Variants in SUSD4 observed in about 807,000 individuals in gnomAD.
SUSD4 encodes the protein sushi domain containing 4, also known as sushi domain-containing protein 4.
Under a neutral mutation model 50.5 loss-of-function variants are expected in SUSD4, and 41 were observed. That is an observed-to-expected ratio of 0.81 (90% CI 0.63 to 1.05). SUSD4 has a LOEUF of 1.05. Ranked by LOEUF, SUSD4 falls within the 50% of genes least tolerant of loss-of-function variation. The pLI, the probability that SUSD4 is intolerant of heterozygous loss-of-function variation, is 0.00. For synonymous variants in SUSD4, 257 were observed against 257.3 expected (o/e 1.00, Z 0.01); for missense variants, 580 against 634.7 (o/e 0.91, Z 0.93).
chr1:223,353,809 T>C (rs1472636306), intron 2 of SUSD4, among the ~76,000 whole-genome samples: 1 of 152,106 alleles, frequency 6.6e-6, no homozygotes, highest in Non-Finnish European at 1.5e-5. Flanking sequence ...CAGACCCCTC[T>C]GCTCAATGTC....
chr1:223,271,821 GA>G (rs1431234289), intron 3 of SUSD4, among the ~76,000 whole-genome samples: 1 of 151,994 alleles, frequency 6.6e-6, no homozygotes, highest in Admixed American at 6.5e-5. Flanking sequence ...TCTTTCCACA[GA>G]AAAAAAGAAT....
intron 5 of SUSD4, among the ~76,000 whole-genome samples, chr1:223,259,473 C>T (rs1661943801): frequency 6.6e-6 from 1 of 152,194 alleles, no homozygotes; most frequent in East Asian, 1.9e-4. Context: ...CTGACCCTTG[C>T]AACCTGTCTC....
At chr1:223,265,007 T>C (rs1662390352) in intron 4 of SUSD4, among the ~76,000 whole-genome samples, 189 bp from the exon 5 acceptor site, 2 of 152,374 alleles carry the variant, frequency 1.3e-5, no homozygotes, top group South Asian at 4.1e-4. Flanking sequence ...TGTAGGTATT[T>C]GCTCCGCTAT....
intron 5 of SUSD4, among the ~76,000 whole-genome samples, chr1:223,252,135 G>C (rs1477540214): frequency 6.7e-6 from 1 of 149,440 alleles, no homozygotes; most frequent in Non-Finnish European, 1.5e-5. Flanking sequence ...GAGTTAATGG[G>C]TGCAGCACAC....
At chr1:223,240,381 C>A (rs1328957881) in intron 5 of SUSD4, among the ~76,000 whole-genome samples, 1 of 151,916 alleles carries the variant, frequency 6.6e-6, no homozygotes. Flanking sequence ...TATTTTTTCA[C>A]CTATTTCTTT....
chr1:223,362,607 C>T (rs1264829080), intron 2 of SUSD4, among the ~76,000 whole-genome samples: 3 of 152,180 alleles, frequency 2.0e-5, no homozygotes, highest in Non-Finnish European at 4.4e-5. Flanking sequence ...TTTCAGCTAA[C>T]TTCTACTTCA....
intron 4 of SUSD4, among the ~76,000 whole-genome samples, chr1:223,265,024 A>G (rs1006375461): frequency 2.6e-5 from 4 of 152,240 alleles, no homozygotes; most frequent in Admixed American, 6.5e-5. Flanking sequence ...CTATTTGAAA[A>G]TGGCACCAAG....
intron 2 of SUSD4, among the ~76,000 whole-genome samples, chr1:223,346,217 C>A (rs1330266606): frequency 1.3e-5 from 2 of 152,144 alleles, no homozygotes; most frequent in Non-Finnish European, 2.9e-5. Context: ...CCCTGGGGGA[C>A]AAAATCACCC....
intron 2 of SUSD4, among the ~76,000 whole-genome samples, chr1:223,353,127 G>T (rs1363447160): frequency 6.6e-6 from 1 of 152,126 alleles, no homozygotes; most frequent in South Asian, 2.1e-4. Flanking sequence ...ATTTCCAGAC[G>T]TCACCATTCA....
chr1:223,337,300 C>T (rs1288652036), intron 2 of SUSD4, among the ~76,000 whole-genome samples: 1 of 152,086 alleles, frequency 6.6e-6, no homozygotes, highest in Non-Finnish European at 1.5e-5. Flanking sequence ...GCTCAAACGT[C>T]AGTTGAATGT....
At chr1:223,324,797 G>GA (rs1388469761) in intron 2 of SUSD4, among the ~76,000 whole-genome samples, 3 of 151,862 alleles carry the variant, frequency 2.0e-5, no homozygotes, top group African/African-American at 7.3e-5. Context: ...CATGAATGAG[G>GA]AAAGAGGAGG....
chr1:223,310,239 T>C (rs569005497), intron 2 of SUSD4, among the ~76,000 whole-genome samples: 2 of 152,280 alleles, frequency 1.3e-5, no homozygotes, highest in East Asian at 3.9e-4. Context: ...GTGATTCTTA[T>C]ATAAGCACAG....
intron 2 of SUSD4, among the ~76,000 whole-genome samples, chr1:223,304,565 T>C (rs1324488012): frequency 8.6e-5 from 13 of 151,808 alleles, no homozygotes; most frequent in Non-Finnish European, 2.9e-5. Context: ...ACAGGCTAGT[T>C]TGCAATGTAT....
intron 2 of SUSD4, among the ~76,000 whole-genome samples, chr1:223,335,084 T>TAC (rs753742105): frequency 6.6e-6 from 1 of 152,178 alleles, no homozygotes; most frequent in Middle Eastern, 3.4e-3. Flanking sequence ...TACTCAATCA[T>TAC]ATATATATAT....
intron 5 of SUSD4, among the ~76,000 whole-genome samples, chr1:223,260,021 AT>A (rs1661989654): frequency 1.3e-5 from 2 of 152,170 alleles, no homozygotes; most frequent in African/African-American, 4.8e-5. Context: ...ACATGCTACT[AT>A]TGGTCTCTGG....
intron 2 of SUSD4, among the ~76,000 whole-genome samples, chr1:223,311,286 T>C (rs1275675624): frequency 6.6e-6 from 1 of 152,198 alleles, no homozygotes; most frequent in African/African-American, 2.4e-5. Context: ...AGAAAGGAAG[T>C]AAATCAGAAA....
At chr1:223,266,930 C>G (rs1173711822) in intron 4 of SUSD4, among the ~76,000 whole-genome samples, 1 of 152,222 alleles carries the variant, frequency 6.6e-6, no homozygotes, top group Non-Finnish European at 1.5e-5. Flanking sequence ...TTCTGTGCAG[C>G]AAGATGTGGG....
chr1:223,284,098 G>GC (rs1663965092), intron 3 of SUSD4, among the ~76,000 whole-genome samples: 1 of 143,184 alleles, frequency 7.0e-6, no homozygotes, highest in South Asian at 2.4e-4. Flanking sequence ...GGGGGAGGGG[G>GC]GAGGGAAAGC....
chr1:223,252,215 T>A (rs1324763729), intron 5 of SUSD4, among the ~76,000 whole-genome samples: 13 of 65,444 alleles, frequency 2.0e-4, no homozygotes, highest in Non-Finnish European at 3.6e-4. Context: ...ACTTAAAGTA[T>A]AATTAAAAAA....
Sources: allele counts gnomAD v4.1 joint callset (sites outside exome capture counted in the v4.1 genomes callset), GRCh38; gene constraint gnomAD v4.1.1; transcripts MANE v1.5; gene names NCBI Gene and HGNC (gene_info 2026-07-23, HGNC 2026-07-21).